SCFD2: variants seen among roughly 807,000 people sequenced by gnomAD.
The protein encoded by SCFD2 is sec1 family domain containing 2.
Under a neutral mutation model 58.9 loss-of-function variants are expected in SCFD2, and 54 were observed. The observed-to-expected ratio is 0.92, with a 90% CI of 0.74 to 1.15. SCFD2 has a LOEUF of 1.15. Among genes scored for constraint, SCFD2 ranks in the 50% most tolerant of loss-of-function variants. The pLI, the probability that SCFD2 is intolerant of heterozygous loss-of-function variation, is 0.00. For missense variants in SCFD2, 805 were observed against 836.6 expected, an observed-to-expected ratio of 0.96 and a Z score of 0.47; for synonymous variants, 321 against 335.9, an observed-to-expected ratio of 0.96 and a Z score of 0.49.
intron 1 of SCFD2, among the ~76,000 whole-genome samples, chr4:53,364,102 ATTAC>A (rs1451382745): frequency 6.6e-6 from 1 of 152,178 alleles, no homozygotes; most frequent in Non-Finnish European, 1.5e-5. Context: ...TGCTACAGTT[ATTAC>A]TTATATATTT....
chr4:53,329,561 A>C lies in SCFD2; in HGVS notation c.1008-15798T>G, dbSNP rs1364651512. On this transcript the variant is annotated intron_variant, in intron 2 of 8. Coordinates refer to ENST00000401642, the MANE Select transcript of SCFD2 (RefSeq NM_152540.4). ...TGTCTGTTAGAAGGAAAACTAACAA[A>C]CAGAAAGGACATCCACACCAAAAAC... 4.6e-5 allele frequency among the ~76,000 whole-genome samples: 7 copies of C among 151,020 alleles called. No homozygotes were observed. In the East Asian group the frequency reaches 9.7e-4, roughly 21 times the overall value.
chr4:53,245,654 A>G (rs1366803890), intron 4 of SCFD2, among the ~76,000 whole-genome samples: 2 of 152,172 alleles, frequency 1.3e-5, no homozygotes, highest in Non-Finnish European at 2.9e-5. Flanking sequence ...CAAACTAGGT[A>G]TTGCAGGAAT....
At chr4:53,331,314 C>T (rs1249939910) in intron 2 of SCFD2, among the ~76,000 whole-genome samples, 3 of 151,674 alleles carry the variant, frequency 2.0e-5, no homozygotes, top group African/African-American at 7.3e-5. Context: ...CACCACACCA[C>T]ACCTATTCCA....
At chr4:53,068,170 G>C (rs1037327950) in intron 5 of SCFD2, among the ~76,000 whole-genome samples, 1 of 152,032 alleles carries the variant, frequency 6.6e-6, no homozygotes. Flanking sequence ...AATTTTCATA[G>C]ATATTTTTAG....
intron 5 of SCFD2, among the ~76,000 whole-genome samples, chr4:52,959,360 G>A (rs1042307712): frequency 6.6e-6 from 1 of 152,044 alleles, no homozygotes; most frequent in Non-Finnish European, 1.5e-5. Flanking sequence ...GTGCTTACTT[G>A]GGCTCCATTG....
chr4:53,327,454 G>A (rs956963733), intron 2 of SCFD2, among the ~76,000 whole-genome samples: 4 of 152,192 alleles, frequency 2.6e-5, no homozygotes, highest in Non-Finnish European at 5.9e-5. Context: ...ATGCACTGTG[G>A]CAGTGGCAGC....
At chr4:53,355,726 G>C (rs1166470375) in intron 1 of SCFD2, among the ~76,000 whole-genome samples, 1 of 151,942 alleles carries the variant, frequency 6.6e-6, no homozygotes, top group African/African-American at 2.4e-5. Flanking sequence ...ATCTCCTATC[G>C]GTGTTCCCTC....
At chr4:53,012,837 T>TGTGTGTGTG (rs1254837162) in intron 5 of SCFD2, among the ~76,000 whole-genome samples, 1 of 114,822 alleles carries the variant, frequency 8.7e-6, no homozygotes, top group African/African-American at 4.1e-5. Context: ...TGTGTGTGTG[T>TGTGTGTGTG]TTTTTTTTAA....
At chr4:53,192,881 A>G (rs1345963919) in intron 4 of SCFD2, among the ~76,000 whole-genome samples, 1 of 152,172 alleles carries the variant, frequency 6.6e-6, no homozygotes, top group Non-Finnish European at 1.5e-5. Context: ...AAACAACAGC[A>G]TCTTATAAGA....
chr4:53,034,759 A>G (rs1056757738), intron 5 of SCFD2, among the ~76,000 whole-genome samples: 6 of 152,184 alleles, frequency 3.9e-5, no homozygotes, highest in Non-Finnish European at 8.8e-5. Context: ...TAGGAATCCA[A>G]CTTACAAGGG....
chr4:53,165,384 T>A (rs548839208), intron 4 of SCFD2, among the ~76,000 whole-genome samples: 1 of 152,170 alleles, frequency 6.6e-6, no homozygotes, highest in African/African-American at 2.4e-5. Context: ...AAAACAAACA[T>A]TAACCAGCCT....
chr4:53,349,481 A>G (rs902497301), intron 2 of SCFD2, among the ~76,000 whole-genome samples: 6 of 152,216 alleles, frequency 3.9e-5, no homozygotes, highest in African/African-American at 1.4e-4. Flanking sequence ...ATCAGACTCA[A>G]TATGTCTGAC....
At chr4:52,988,541 C>T (rs546696886) in intron 5 of SCFD2, among the ~76,000 whole-genome samples, 2 of 152,196 alleles carry the variant, frequency 1.3e-5, no homozygotes, top group South Asian at 2.1e-4. Flanking sequence ...CTTAGGTTTT[C>T]GAATGTCAAA....
rs542977257 is a variant in SCFD2, at chr4:53,170,635, T to A, written c.1312-25053A>T. 2.2e-4 allele frequency among the ~76,000 whole-genome samples: 33 copies of A among 152,334 alleles called. No homozygotes were observed. In the South Asian group the frequency reaches 6.6e-3, roughly 31 times the overall value. Reference sequence around the variant, plus strand: ...AGATTGCCTTGGGTCATATGAACATTTTAACAATATTAATTCTTCCAATAC... The same window carrying A: ...AGATTGCCTTGGGTCATATGAACATATTAACAATATTAATTCTTCCAATAC... On this transcript the variant is annotated intron_variant, in intron 4 of 8. Coordinates refer to ENST00000401642, the MANE Select transcript of SCFD2 (RefSeq NM_152540.4).
chr4:52,938,505 T>C (rs1577842259), intron 5 of SCFD2, among the ~76,000 whole-genome samples: 2 of 152,104 alleles, frequency 1.3e-5, no homozygotes, highest in South Asian at 2.1e-4. Flanking sequence ...AACCTACGAG[T>C]TACTTAGAAA....
chr4:53,241,268 G>T (rs1302190753), intron 4 of SCFD2, among the ~76,000 whole-genome samples: 3 of 152,328 alleles, frequency 2.0e-5, no homozygotes, highest in East Asian at 3.9e-4. Context: ...ATTTGGTGCG[G>T]TGGCAACTAT....
intron 5 of SCFD2, among the ~76,000 whole-genome samples, chr4:53,061,728 G>C (rs1723519230): frequency 6.6e-6 from 1 of 152,126 alleles, no homozygotes; most frequent in Non-Finnish European, 1.5e-5. Context: ...TGGGAGGTCA[G>C]ATGGTAGTTT....
chr4:52,897,510 G>C (rs1234265515), intron 7 of SCFD2, among the ~76,000 whole-genome samples: 9 of 152,162 alleles, frequency 5.9e-5, no homozygotes, highest in East Asian at 1.9e-4. Flanking sequence ...ATGAAGCCCA[G>C]TTGATCATGG....
chr4:53,325,122 G>A (rs1256648746), intron 2 of SCFD2, among the ~76,000 whole-genome samples: 5 of 150,000 alleles, frequency 3.3e-5, no homozygotes, highest in Non-Finnish European at 7.4e-5. Context: ...TCTTACTTTT[G>A]TTTCTGATAT....
Sources: allele counts gnomAD v4.1 joint callset (sites outside exome capture counted in the v4.1 genomes callset), GRCh38; gene constraint gnomAD v4.1.1; transcripts MANE v1.5; gene names NCBI Gene and HGNC (gene_info 2026-07-23, HGNC 2026-07-21).